SNU13: variants seen among roughly 807,000 people sequenced by gnomAD.
SNU13 encodes NHP2-like protein 1.
A neutral mutation model predicts 12.4 loss-of-function variants in SNU13; 2 were observed. That is an observed-to-expected ratio of 0.16 (90% CI 0.07 to 0.51). The LOEUF (loss-of-function observed/expected upper bound fraction) is 0.51. SNU13 is among the 20% of genes least tolerant of loss of function. The probability of loss-of-function intolerance (pLI) is 0.96; values close to 1 mark genes in which losing one functional copy is unlikely to be tolerated. For missense variants in SNU13, 66 were observed against 157.8 expected, an observed-to-expected ratio of 0.42 and a Z score of 3.12; for synonymous variants, 68 against 66.5, an observed-to-expected ratio of 1.02 and a Z score of -0.11.
Position 41,674,779 on chromosome 22 carries a change from A to G in SNU13, c.*154T>C, listed in dbSNP as rs2068196134. The G allele has an allele frequency of 4.7e-6, 5 of 1,068,326 alleles. No individual in the cohort carries two copies. Among genetic ancestry groups the G allele is most frequent in the Non-Finnish European group, 5.3e-6 (4 of 752,752 alleles). The allele number at this position is 1,068,326 out of a possible 1,614,324, so 66.2% of individuals were successfully genotyped here. On this transcript the variant is annotated 3_prime_UTR_variant, in exon 3 of 3. Coordinates refer to ENST00000401959, the MANE Select transcript of SNU13 (RefSeq NM_001003796.2). ...AAGGGGGATAGCAACCCTGTAAAAC[A>G]GAACAAAAACAACACAAAAATCCAG...
At chr22:41,682,435 C>T in intron 1 of SNU13, 1 of 1,611,316 alleles carries the variant, frequency 6.2e-7, no homozygotes. Flanking sequence ...TGCTGCCCAG[C>T]ACCGCAAGGA....
At chr22:41,685,025 AG>A (rs1458463815) in intron 1 of SNU13, among the ~76,000 whole-genome samples, 1 of 152,104 alleles carries the variant, frequency 6.6e-6, no homozygotes, top group Non-Finnish European at 1.5e-5. Flanking sequence ...GTGTGGTGGC[AG>A]GCACCTGTAA....
At position 41,674,683 on chromosome 22, in the gene SNU13, G is replaced by T; in HGVS notation, c.*250C>A. 1 of 485,152 alleles carries T rather than the reference G, an allele frequency of 2.1e-6. No individual in the cohort carries two copies. The highest frequency in any genetic ancestry group is 3.7e-6 in the Non-Finnish European group (1 of 273,212). 30.1% of individuals were successfully genotyped at this position (485,152 alleles called of 1,614,324 possible). Reference sequence around the variant, plus strand: ...TCAACGGTGCCACCACCCTGCTTCTGTCTGCTCTGAACACTTGTTCCAAAA... The same window carrying T: ...TCAACGGTGCCACCACCCTGCTTCTTTCTGCTCTGAACACTTGTTCCAAAA... On this transcript the variant is annotated 3_prime_UTR_variant, in exon 3 of 3. Transcript: ENST00000401959.
upstream of SNU13, chr22:41,688,964 C>G: frequency 1.5e-6 from 2 of 1,356,252 alleles, no homozygotes; most frequent in Non-Finnish European, 9.6e-7. Flanking sequence ...TACGGGGGCA[C>G]TGGCGCGGAA....
intron 2 of SNU13, among the ~76,000 whole-genome samples, chr22:41,678,599 T>A (rs1372469416): frequency 6.6e-6 from 1 of 152,184 alleles, no homozygotes; most frequent in Non-Finnish European, 1.5e-5. Context: ...GGTTGCTCTG[T>A]GTCCATGAGT....
intron 1 of SNU13, chr22:41,682,226 C>T (rs1317796010): frequency 2.9e-5 from 28 of 967,878 alleles, no homozygotes; most frequent in Middle Eastern, 4.2e-4. Flanking sequence ...TGGTCTCCTG[C>T]CCGACACCGC....
chr22:41,688,710 C>T, intron 1 of SNU13, 84 bp downstream of exon 1: 1 of 1,532,348 alleles, frequency 6.5e-7, no homozygotes, highest in Non-Finnish European at 8.9e-7. Flanking sequence ...GGCGCAGGCT[C>T]TAAGCCTCCA....
chr22:41,676,795 T>C (rs978784640), intron 2 of SNU13, among the ~76,000 whole-genome samples: 3 of 152,230 alleles, frequency 2.0e-5, no homozygotes, highest in African/African-American at 7.2e-5. Flanking sequence ...CTTTTCCCCT[T>C]TCTTTTCTCT....
At chr22:41,686,078 G>A (rs1335154276) in intron 1 of SNU13, among the ~76,000 whole-genome samples, 3 of 152,220 alleles carry the variant, frequency 2.0e-5, no homozygotes, top group South Asian at 2.1e-4. Context: ...CCAATTTCTG[G>A]GATTGCAGGC....
At chr22:41,688,617 C>T (rs936218326) in intron 1 of SNU13, among the ~76,000 whole-genome samples, 177 bp downstream of exon 1, 1 of 152,200 alleles carries the variant, frequency 6.6e-6, no homozygotes, top group Non-Finnish European at 1.5e-5. Flanking sequence ...GTTCTAACCT[C>T]GGGCCAGGCT....
In SNU13 at chr22:41,676,445, C is replaced by T. The variant is rs192457554; in HGVS notation, c.125-1250G>A. Among the ~76,000 whole-genome samples the T allele has an allele frequency of 9.9e-5, 15 of 152,222 alleles. No individual in the cohort carries two copies. In the East Asian group the frequency reaches 2.9e-3, roughly 29 times the overall value. ...ACCTTGAGCAAGGTGTTTAACTTCC[C>T]TTACTTTTATCATCTATAAAATAAT... On this transcript the variant is annotated intron_variant, in intron 2 of 2. Coordinates refer to ENST00000401959, the MANE Select transcript of SNU13 (RefSeq NM_001003796.2).
At chr22:41,681,395 G>C (rs1477969377) in intron 1 of SNU13, 4 of 152,154 alleles carry the variant, frequency 2.6e-5, no homozygotes, top group African/African-American at 4.8e-5. Flanking sequence ...TTTCAAATAT[G>C]TAAAATATCT....
upstream of SNU13, among the ~76,000 whole-genome samples, chr22:41,689,694 A>G (rs2068344654): frequency 7.7e-6 from 1 of 130,370 alleles, no homozygotes; most frequent in Admixed American, 7.6e-5. Context: ...GAAAAAAAAG[A>G]GGGCCGGGTG....
At chr22:41,684,389 C>G (rs1569110477) in intron 1 of SNU13, among the ~76,000 whole-genome samples, 2 of 151,662 alleles carry the variant, frequency 1.3e-5, no homozygotes, top group Non-Finnish European at 2.9e-5. Flanking sequence ...TTTTTTCTAC[C>G]TTTTTATCCC....
At chr22:41,688,074 C>G (rs1042285456) in intron 1 of SNU13, 1 of 152,252 alleles carries the variant, frequency 6.6e-6, no homozygotes, top group African/African-American at 2.4e-5. Context: ...TACGCCAGGA[C>G]ACACGTTTTA....
chr22:41,679,094 A>G (rs961237107), intron 2 of SNU13, among the ~76,000 whole-genome samples: 1 of 151,684 alleles, frequency 6.6e-6, no homozygotes, highest in Non-Finnish European at 1.5e-5. Flanking sequence ...TCTGTCTCCA[A>G]AAAAATAAAA....
chr22:41,679,247 T>C (rs2068240436), intron 2 of SNU13, among the ~76,000 whole-genome samples: 1 of 146,862 alleles, frequency 6.8e-6, no homozygotes, highest in Non-Finnish European at 1.5e-5. Context: ...CGTCTCTACT[T>C]GAAAAAAAAT....
rs141496334 is a variant in SNU13, at chr22:41,682,536, G to A, written c.4-2172C>T. 363 of 1,495,282 alleles carry A rather than the reference G, an allele frequency of 2.4e-4. 4 individuals are homozygous for A. In the African/African-American group the frequency reaches 4.2e-3, roughly 17 times the overall value. 92.6% of individuals were successfully genotyped at this position (1,495,282 alleles called of 1,614,324 possible). On this transcript the variant is annotated intron_variant, in intron 1 of 2. Transcript: ENST00000401959. ...GCCAGCCCGTACACCAGGACGCCCT[G>A]TCTTCTACGTAACTCCTTATCTTAG...
In SNU13 at chr22:41,674,908, G is replaced by A. The variant is rs1461819300; in HGVS notation, c.*25C>T. 3.7e-6 allele frequency: 6 copies of A among 1,603,728 alleles called. No homozygotes were observed. In the African/African-American group the frequency reaches 8.0e-5, roughly 21 times the overall value. On this transcript the variant is annotated 3_prime_UTR_variant, in exon 3 of 3. Coordinates refer to ENST00000401959, the MANE Select transcript of SNU13 (RefSeq NM_001003796.2). ...ACAACCTCAGGGGGGAAGCTGGCAGGGAGCACGTGGCAGAGGCCACAGGTT... is the reference window on the plus strand; with the variant it reads ...ACAACCTCAGGGGGGAAGCTGGCAGAGAGCACGTGGCAGAGGCCACAGGTT...
Sources: allele counts gnomAD v4.1 joint callset (sites outside exome capture counted in the v4.1 genomes callset), GRCh38; gene constraint gnomAD v4.1.1; transcripts MANE v1.5; gene names NCBI Gene and HGNC (gene_info 2026-07-23, HGNC 2026-07-21).